SHC4: variants seen among roughly 807,000 people sequenced by gnomAD.
SHC4 encodes the protein SHC adaptor protein 4.
In SHC4, 41 loss-of-function variants were observed where a neutral mutation model predicts 69.4. That is an observed-to-expected ratio of 0.59 (90% CI 0.46 to 0.77). The LOEUF (loss-of-function observed/expected upper bound fraction) is 0.77. Among genes scored for constraint, SHC4 ranks in the 30% least tolerant of loss-of-function variants. SHC4 has a pLI of 0.00. For synonymous variants in SHC4, 318 were observed against 299.3 expected (o/e 1.06, Z -0.64); for missense variants, 777 against 783.8 (o/e 0.99, Z 0.10).
intron 8 of SHC4, among the ~76,000 whole-genome samples, chr15:48,852,914 A>G (rs1274066739): frequency 8.1e-6 from 1 of 123,324 alleles, no homozygotes; most frequent in East Asian, 2.2e-4. Flanking sequence ...AAAAATATAT[A>G]AAAATAAATA....
chr15:48,922,928 T>G (rs769072465), intron 2 of SHC4, among the ~76,000 whole-genome samples: 1 of 152,132 alleles, frequency 6.6e-6, no homozygotes, highest in Non-Finnish European at 1.5e-5. Flanking sequence ...TAAGAGAAGA[T>G]TTAAAGGGGA....
At chr15:48,931,009 A>T (rs1214811476) in intron 1 of SHC4, among the ~76,000 whole-genome samples, 1 of 151,984 alleles carries the variant, frequency 6.6e-6, no homozygotes, top group East Asian at 1.9e-4. Flanking sequence ...TTGTTTTCCT[A>T]CTCACCTATT....
intron 1 of SHC4, among the ~76,000 whole-genome samples, chr15:48,944,117 A>G (rs141386995): frequency 9.1e-4 from 138 of 152,314 alleles, no homozygotes; most frequent in African/African-American, 3.2e-3. Flanking sequence ...CTAAGCCTAC[A>G]AACTTTCAAG....
intron 6 of SHC4, among the ~76,000 whole-genome samples, chr15:48,861,702 C>T (rs960650783): frequency 6.6e-6 from 1 of 152,184 alleles, no homozygotes; most frequent in African/African-American, 2.4e-5. Context: ...TGTCTGGAAT[C>T]AGATGAAAGT....
intron 6 of SHC4, among the ~76,000 whole-genome samples, chr15:48,865,170 T>G (rs1051670977): frequency 1.3e-5 from 2 of 152,260 alleles, no homozygotes; most frequent in African/African-American, 4.8e-5. Flanking sequence ...GGTGGGATTT[T>G]CCTTCCATAA....
chr15:48,846,466 C>A (rs778654730), intron 9 of SHC4, among the ~76,000 whole-genome samples: 2 of 152,158 alleles, frequency 1.3e-5, no homozygotes, highest in Non-Finnish European at 2.9e-5. Flanking sequence ...CAGCAATATG[C>A]TCCCCCTCCT....
At chr15:48,907,016 A>G (rs934746178) in intron 2 of SHC4, among the ~76,000 whole-genome samples, 1 of 152,170 alleles carries the variant, frequency 6.6e-6, no homozygotes, top group Non-Finnish European at 1.5e-5. Flanking sequence ...TAGAAAAACC[A>G]TATATCAAAC....
chr15:48,923,534 G>T, intron 2 of SHC4, among the ~76,000 whole-genome samples: 1 of 104,712 alleles, frequency 9.6e-6, no homozygotes. Flanking sequence ...GACAGAGTGA[G>T]ACTCTGTCTC....
At chr15:48,836,067 C>T (rs1049898435) in intron 10 of SHC4, among the ~76,000 whole-genome samples, 4 of 149,330 alleles carry the variant, frequency 2.7e-5, no homozygotes, top group African/African-American at 7.4e-5. Flanking sequence ...GTGGCACGTG[C>T]CTGCAGTCCC....
chr15:48,949,934 G>A (rs1240839429), intron 1 of SHC4, among the ~76,000 whole-genome samples: 2 of 139,638 alleles, frequency 1.4e-5, no homozygotes, highest in Non-Finnish European at 3.0e-5. Flanking sequence ...ATATTAATAT[G>A]CAGATTATAT....
Position 48,963,102 on chromosome 15 carries a change from C to T in SHC4, c.-87G>A. ...ACGGTGCAGACATCAGATACCTCAA[C>T]GCCCGATGCAACTCACAGCAGCCAC... is the stretch of plus-strand genomic sequence containing the variant. On this transcript the variant is annotated 5_prime_UTR_variant, in exon 1 of 12. Transcript: ENST00000332408. The T allele has an allele frequency of 7.3e-7, 1 of 1,362,654 alleles. No individual in the cohort carries two copies. 84.4% of individuals were successfully genotyped at this position (1,362,654 alleles called of 1,614,324 possible).
chr15:48,928,598 A>C (rs1171391778), intron 1 of SHC4, among the ~76,000 whole-genome samples: 2 of 152,134 alleles, frequency 1.3e-5, no homozygotes, highest in Admixed American at 6.5e-5. Flanking sequence ...CAATGAGGAG[A>C]GGAATTTTTA....
chr15:48,904,904 C>T lies in SHC4; in HGVS notation c.657-14093G>A, dbSNP rs570576660. Among the ~76,000 whole-genome samples, 3 of 148,588 alleles carry T rather than the reference C, an allele frequency of 2.0e-5. No individual in the cohort carries two copies. In the South Asian group the frequency reaches 6.4e-4, roughly 32 times the overall value. On this transcript the variant is annotated intron_variant, in intron 2 of 11. Coordinates refer to ENST00000332408, the MANE Select transcript of SHC4 (RefSeq NM_203349.4). ...TACAGTATGAGATCCTGTCTCTAAA[C>T]ACGACACACACGCACACACACACAC...
intron 2 of SHC4, among the ~76,000 whole-genome samples, chr15:48,914,519 T>C (rs963902969): frequency 6.6e-6 from 1 of 152,232 alleles, no homozygotes; most frequent in Non-Finnish European, 1.5e-5. Context: ...TCTGCCAGTG[T>C]GGCTTTTGGT....
intron 1 of SHC4, among the ~76,000 whole-genome samples, chr15:48,946,910 A>G (rs2141037405): frequency 6.6e-6 from 1 of 152,086 alleles, no homozygotes; most frequent in African/African-American, 2.4e-5. Context: ...TCACCTCTGC[A>G]TTTGAAAAGG....
intron 4 of SHC4, chr15:48,878,201 G>C: frequency 1.3e-6 from 2 of 1,572,320 alleles, no homozygotes; most frequent in Non-Finnish European, 1.7e-6. Context: ...TGAGTTGTCC[G>C]AGCTGTATGA....
At chr15:48,838,140 T>C (rs116309697) in intron 10 of SHC4, among the ~76,000 whole-genome samples, 173 of 152,332 alleles carry the variant, frequency 1.1e-3, no homozygotes, top group African/African-American at 4.1e-3. Context: ...GTGAAGATTG[T>C]ATGTTTATAC....
intron 9 of SHC4, among the ~76,000 whole-genome samples, chr15:48,850,978 T>C (rs1204696933): frequency 1.3e-5 from 2 of 152,272 alleles, no homozygotes; most frequent in Admixed American, 6.5e-5. Context: ...TCATGGCAGA[T>C]CACACAAGAG....
At chr15:48,838,352 A>G (rs1278909456) in intron 10 of SHC4, among the ~76,000 whole-genome samples, 1 of 152,216 alleles carries the variant, frequency 6.6e-6, no homozygotes, top group Non-Finnish European at 1.5e-5. Flanking sequence ...TTGGAGTTAC[A>G]ACTAAATTTT....
Sources: gnomAD v4.1 joint callset for allele counts (sites outside exome capture counted in the v4.1 genomes callset) on GRCh38, gnomAD v4.1.1 for gene constraint, MANE v1.5 for transcripts, NCBI Gene and HGNC (gene_info 2026-07-23, HGNC 2026-07-21) for gene names.